SVOPL: variants seen among roughly 807,000 people sequenced by gnomAD.
SVOPL encodes putative transporter SVOPL.
Under a neutral mutation model 61.0 loss-of-function variants are expected in SVOPL, and 60 were observed. That is an observed-to-expected ratio of 0.98 (90% CI 0.80 to 1.22). The LOEUF is 1.22. Ranked by LOEUF, SVOPL falls within the 50% of genes most tolerant of loss-of-function variation. SVOPL has a pLI of 0.00. For missense variants in SVOPL, 662 were observed against 643.9 expected, an observed-to-expected ratio of 1.03 and a Z score of -0.30; for synonymous variants, 279 against 250.0, an observed-to-expected ratio of 1.12 and a Z score of -1.09.
At chr7:138,661,199 A>G in intron 5 of SVOPL, 2 of 985,438 alleles carry the variant, frequency 2.0e-6, no homozygotes, top group Non-Finnish European at 2.4e-6. Flanking sequence ...TCAAGCAAAT[A>G]GAAAAGACAG....
At chr7:138,621,974 G>C (rs201170619) in intron 13 of SVOPL, among the ~76,000 whole-genome samples, 64 of 7,386 alleles carry the variant, frequency 8.7e-3, no homozygotes, top group African/African-American at 0.024. Flanking sequence ...ATCTATCTAT[G>C]TATCTATCTA....
chr7:138,676,472 G>C (rs1292677913), intron 3 of SVOPL, among the ~76,000 whole-genome samples: 3 of 152,092 alleles, frequency 2.0e-5, no homozygotes, highest in African/African-American at 7.2e-5. Flanking sequence ...AGGGTGGAAA[G>C]GCAAACAAGC....
intron 4 of SVOPL, among the ~76,000 whole-genome samples, chr7:138,665,598 T>C (rs1026056148): frequency 3.9e-5 from 6 of 152,144 alleles, no homozygotes; most frequent in African/African-American, 1.2e-4. Flanking sequence ...GAGCTGTAAA[T>C]ATCACATTTA....
chr7:138,663,728 CCTCAGCTG>C (rs1802114174), intron 4 of SVOPL, among the ~76,000 whole-genome samples: 1 of 152,166 alleles, frequency 6.6e-6, no homozygotes, highest in African/African-American at 2.4e-5. Flanking sequence ...TGGCCTGAGA[CCTCAGCTG>C]CTGTCTGTGC....
At chr7:138,692,288 G>T (rs1457714383) in intron 1 of SVOPL, among the ~76,000 whole-genome samples, 1 of 152,160 alleles carries the variant, frequency 6.6e-6, no homozygotes, top group African/African-American at 2.4e-5. Flanking sequence ...GTGCTGAGAA[G>T]ACTACAAGCA....
At chr7:138,642,039 G>A (rs1160017442) in intron 9 of SVOPL, among the ~76,000 whole-genome samples, 1 of 150,542 alleles carries the variant, frequency 6.6e-6, no homozygotes, top group Non-Finnish European at 1.5e-5. Context: ...CAAATAGAAA[G>A]TTTCAATAAA....
chr7:138,677,385 C>A (rs1025596992), intron 3 of SVOPL, among the ~76,000 whole-genome samples: 1 of 152,092 alleles, frequency 6.6e-6, no homozygotes, highest in Non-Finnish European at 1.5e-5. Context: ...GGGAGTCATG[C>A]CCTACAAACC....
intron 14 of SVOPL, among the ~76,000 whole-genome samples, chr7:138,609,489 C>CAAAAAAAA: frequency 2.1e-5 from 1 of 48,336 alleles, no homozygotes. Flanking sequence ...ACCACCTCTA[C>CAAAAAAAA]AAAAAAAAAA....
intron 1 of SVOPL, among the ~76,000 whole-genome samples, chr7:138,693,506 GGAAA>G (rs1323057778): frequency 2.2e-5 from 2 of 92,376 alleles, no homozygotes; most frequent in Non-Finnish European, 4.5e-5. Flanking sequence ...AAGAAGGGAA[GGAAA>G]GAAAGAAGAA....
At position 138,688,561 on chromosome 7, in the gene SVOPL, C is replaced by T. The variant is rs145245472; in HGVS notation, c.-34-9482G>A. 4.1e-4 allele frequency among the ~76,000 whole-genome samples: 63 copies of T among 152,236 alleles called. No homozygotes were observed. In the East Asian group the frequency reaches 0.01, roughly 25 times the overall value. On this transcript the variant is annotated intron_variant, in intron 1 of 15. Coordinates refer to ENST00000674285, the MANE Select transcript of SVOPL (RefSeq NM_001139456.2). ...CTGGGATTACTGGTGTGAGCCACAG[C>T]GCCCAGCCAGATCCCTAAAATTAAA...
rs1350604642 is a variant in SVOPL at position 138,661,772 on chromosome 7, C to T, written c.345+1302G>A. 31 of 897,450 alleles carry T rather than the reference C, an allele frequency of 3.5e-5. No individual in the cohort carries two copies. In the South Asian group the frequency reaches 1.1e-3, roughly 33 times the overall value. 55.6% of individuals were successfully genotyped at this position (897,450 alleles called of 1,614,324 possible). A position where few individuals can be genotyped will look rare whatever the true frequency, so the allele number is the denominator to read the frequency against. On this transcript the variant is annotated intron_variant, in intron 5 of 15. Transcript: ENST00000674285. ...TTAAAAAACCCACTTGTAACTGCTG[C>T]TAATCGGAGCATATATTCAGGGCAA...
chr7:138,599,215 TAAAC>T, intron 14 of SVOPL, among the ~76,000 whole-genome samples: 1 of 140,232 alleles, frequency 7.1e-6, no homozygotes, highest in East Asian at 2.1e-4. Flanking sequence ...ACTTTTTAAA[TAAAC>T]TGGATTCTTT....
chr7:138,654,546 C>A (rs13230161), intron 7 of SVOPL, among the ~76,000 whole-genome samples: 1 of 139,078 alleles, frequency 7.2e-6, no homozygotes. Context: ...GTCACCCAGA[C>A]TGGAATGCTG....
intron 9 of SVOPL, among the ~76,000 whole-genome samples, chr7:138,635,996 G>A (rs1025233029): frequency 6.6e-6 from 1 of 152,104 alleles, no homozygotes; most frequent in East Asian, 1.9e-4. Context: ...TCAGCTTACT[G>A]CAACCTCCTC....
rs538754929 is a variant in SVOPL, at chr7:138,611,586, T to TA, written c.1353+9459dup. ...TAACTTGTGAAGTTCTCTGTCATCT[T>TA]ACGAGCTGATTTTTTTTCCCCATGC... On this transcript the variant is annotated intron_variant, in intron 14 of 15. Transcript: ENST00000674285. Among the ~76,000 whole-genome samples the TA allele has an allele frequency of 2.7e-3, 417 of 152,260 alleles. 1 individual carries two copies. Among genetic ancestry groups the TA allele is most frequent in the African/African-American group, 8.9e-3 (371 of 41,540 alleles).
chr7:138,607,530 C>G (rs1382187196), intron 14 of SVOPL, among the ~76,000 whole-genome samples: 2 of 152,062 alleles, frequency 1.3e-5, no homozygotes, highest in Non-Finnish European at 2.9e-5. Context: ...TAACGCAGGT[C>G]AAAGGTCAGG....
intron 4 of SVOPL, among the ~76,000 whole-genome samples, chr7:138,671,453 TTC>T (rs1198010740): frequency 3.9e-5 from 6 of 152,216 alleles, no homozygotes; most frequent in Admixed American, 3.9e-4. Flanking sequence ...ATGCAAGCAA[TTC>T]TCCTGTCTCA....
At chr7:138,653,132 TGAA>T (rs1317917559) in intron 7 of SVOPL, among the ~76,000 whole-genome samples, 1 of 152,196 alleles carries the variant, frequency 6.6e-6, no homozygotes, top group Non-Finnish European at 1.5e-5. Context: ...GGGAAGCTGC[TGAA>T]GAAGAGTCTG....
chr7:138,647,342 T>C (rs1354650769), intron 8 of SVOPL, among the ~76,000 whole-genome samples: 4 of 151,816 alleles, frequency 2.6e-5, no homozygotes, highest in South Asian at 4.2e-4. Flanking sequence ...GATCGCACCA[T>C]TGCACTCCAG....
Sources: allele counts gnomAD v4.1 joint callset (sites outside exome capture counted in the v4.1 genomes callset), GRCh38; gene constraint gnomAD v4.1.1; transcripts MANE v1.5; gene names NCBI Gene and HGNC (gene_info 2026-07-23, HGNC 2026-07-21).